The following DDX60L variants were observed in gnomAD, a reference collection of about 807,000 sequenced individuals.
The protein encoded by DDX60L is DExD/H-box 60 like, also known as probable ATP-dependent RNA helicase DDX60-like.
A neutral mutation model predicts 211.6 loss-of-function variants in DDX60L; 191 were observed. The observed-to-expected ratio is 0.90, with a 90% CI of 0.80 to 1.02. DDX60L has a LOEUF of 1.02. Ranked by LOEUF, DDX60L falls within the 50% of genes least tolerant of loss-of-function variation. DDX60L has a pLI of 0.00. For missense variants in DDX60L, 2,007 were observed against 1,984.1 expected, an observed-to-expected ratio of 1.01 and a Z score of -0.22; for synonymous variants, 706 against 694.1, an observed-to-expected ratio of 1.02 and a Z score of -0.27.
At chr4:168,457,775 T>G in intron 6 of DDX60L, 117 bp downstream of exon 6, 1 of 537,786 alleles carries the variant, frequency 1.9e-6, no homozygotes, top group Non-Finnish European at 3.3e-6. Context: ...AGTATACATG[T>G]ACTAAGGAGG....
At chr4:168,436,703 A>G (rs886457033) in intron 10 of DDX60L, among the ~76,000 whole-genome samples, 5 of 152,146 alleles carry the variant, frequency 3.3e-5, no homozygotes, top group African/African-American at 7.2e-5. Flanking sequence ...ACAAACTATT[A>G]CCCCTAAGTG....
intron 25 of DDX60L, among the ~76,000 whole-genome samples, chr4:168,401,727 G>A (rs72976818): frequency 0.013 from 1,910 of 152,134 alleles, 51 homozygotes; most frequent in African/African-American, 0.044. Flanking sequence ...GAATTTTTTC[G>A]AATACTACTT....
Position 168,453,198 on chromosome 4 carries a change from G to C in DDX60L, c.922C>G (p.Pro308Ala). The change falls in exon 8 of 38, where the codon CCC (proline) becomes GCC (alanine). Residue 308 changes from proline to alanine, a missense_variant. Coordinates refer to ENST00000682922, the MANE Select transcript of DDX60L (RefSeq NM_001012967.3). The stretch of plus-strand genomic sequence containing the variant: ...CGAGAACAAGCTCTCTGAGAAAGGG[G>C]TAAGTGGAGTTGAAAAGCCACACAG... Reference protein sequence around the residue: ...CLCVAFQLHLPLSQRACSRVI... With the variant: ...CLCVAFQLHLALSQRACSRVI... The C allele has an allele frequency of 6.2e-7, 1 of 1,613,424 alleles. No individual in the cohort carries two copies. The highest frequency in any genetic ancestry group is 1.1e-5 in the South Asian group (1 of 91,018).
intron 4 of DDX60L, among the ~76,000 whole-genome samples, chr4:168,463,699 T>C (rs1757617105): frequency 6.6e-6 from 1 of 152,178 alleles, no homozygotes; most frequent in Admixed American, 6.5e-5. Flanking sequence ...AACACTGCTT[T>C]CACTTTTAAT....
chr4:168,458,748 G>A (rs1280456318), intron 5 of DDX60L, among the ~76,000 whole-genome samples: 2 of 152,154 alleles, frequency 1.3e-5, no homozygotes, highest in African/African-American at 2.4e-5. Context: ...AACCACCATG[G>A]CACACATTTA....
chr4:168,412,354 C>A (rs116623446), intron 22 of DDX60L, among the ~76,000 whole-genome samples: 165 of 152,102 alleles, frequency 1.1e-3, no homozygotes, highest in African/African-American at 3.9e-3. Flanking sequence ...CAGAGAAAAG[C>A]CTGTTGGCCT....
chr4:168,431,983 T>C (rs1397833223), intron 12 of DDX60L, among the ~76,000 whole-genome samples: 2 of 152,154 alleles, frequency 1.3e-5, no homozygotes, highest in East Asian at 3.9e-4. Flanking sequence ...TTAGGAAGAC[T>C]ATGGCTGTAT....
intron 8 of DDX60L, among the ~76,000 whole-genome samples, chr4:168,451,961 T>C (rs1755865784): frequency 6.6e-6 from 1 of 152,220 alleles, no homozygotes; most frequent in Non-Finnish European, 1.5e-5. Context: ...AGGTCAACCT[T>C]TCCAGACTGG....
chr4:168,407,198 A>G (rs1403486413), intron 22 of DDX60L, among the ~76,000 whole-genome samples: 1 of 152,190 alleles, frequency 6.6e-6, no homozygotes, highest in Non-Finnish European at 1.5e-5. Flanking sequence ...GAGATCCAAT[A>G]CAAGAGCCGG....
At chr4:168,402,808 A>T (rs1747072012) in intron 25 of DDX60L, among the ~76,000 whole-genome samples, 1 of 152,196 alleles carries the variant, frequency 6.6e-6, no homozygotes, top group South Asian at 2.1e-4. Context: ...AGAGCTACAA[A>T]CCAGTGGACT....
intron 26 of DDX60L, among the ~76,000 whole-genome samples, chr4:168,399,399 G>T (rs977937553): frequency 6.6e-6 from 1 of 152,136 alleles, no homozygotes; most frequent in Non-Finnish European, 1.5e-5. Context: ...CTTGCAGTAC[G>T]CCTGGTCCAG....
At chr4:168,425,896 G>A (rs901599139) in intron 14 of DDX60L, among the ~76,000 whole-genome samples, 4 of 152,138 alleles carry the variant, frequency 2.6e-5, no homozygotes, top group Non-Finnish European at 4.4e-5. Flanking sequence ...ATATGAAGAC[G>A]TAATACCTGG....
At chr4:168,422,969 T>TTGTGTGTGTGTGTGTGTGTGTG (rs5863932) in intron 15 of DDX60L, among the ~76,000 whole-genome samples, 6 of 132,962 alleles carry the variant, frequency 4.5e-5, no homozygotes, top group African/African-American at 2.0e-4. Context: ...GTGGCTAATA[T>TTGTGTGTGTGTGTGTGTGTGTG]TGTGTGTGTG....
rs1413128781 is a variant in DDX60L at position 168,415,757 on chromosome 4, C to T, written c.2769G>A (p.Lys923=). The T allele has an allele frequency of 1.9e-6, 3 of 1,587,658 alleles. No homozygotes were observed. Among genetic ancestry groups the T allele is most frequent in the Non-Finnish European group, 2.6e-6 (3 of 1,165,620 alleles). ...SVKQYWKQAD[K]IMEEKCISEK... The stretch of plus-strand genomic sequence containing the variant: ...CAGAAATACATTTCTCTTCCATAAT[C>T]TTGTCTGCCTGTTTCCAGTACTGTT... The change falls in exon 21 of 38, where the codon AAG becomes AAA. Residue 923 remains lysine, a synonymous_variant. Coordinates refer to ENST00000682922, the MANE Select transcript of DDX60L (RefSeq NM_001012967.3).
chr4:168,391,511 CA>C, intron 29 of DDX60L, 28 bp downstream of exon 29: 5 of 1,388,438 alleles, frequency 3.6e-6, no homozygotes, highest in Non-Finnish European at 5.1e-6. Flanking sequence ...CAGCTTTCAG[CA>C]ATGGGAGTTA....
intron 24 of DDX60L, among the ~76,000 whole-genome samples, chr4:168,405,137 T>C (rs1043175313): frequency 3.3e-5 from 5 of 151,876 alleles, no homozygotes; most frequent in African/African-American, 9.7e-5. Context: ...ATCTCCAGAG[T>C]AGCTAGGATT....
chr4:168,362,014 G>A (rs143854378), intron 36 of DDX60L, among the ~76,000 whole-genome samples: 1,714 of 152,288 alleles, frequency 0.011, 11 homozygotes, highest in Non-Finnish European at 0.015. Context: ...ACCACCCACT[G>A]GGGAAAAGGC....
chr4:168,423,335 A>G (rs1750951864), intron 15 of DDX60L, among the ~76,000 whole-genome samples: 1 of 152,126 alleles, frequency 6.6e-6, no homozygotes, highest in Non-Finnish European at 1.5e-5. Context: ...CCTGTTACCA[A>G]GAGGGTTTAA....
At chr4:168,381,980 A>C (rs2149684878) in intron 30 of DDX60L, among the ~76,000 whole-genome samples, 1 of 152,252 alleles carries the variant, frequency 6.6e-6, no homozygotes, top group South Asian at 2.1e-4. Context: ...TTTACATAGA[A>C]CTGGGTGTCG....
Sources: gnomAD v4.1 joint callset for allele counts (sites outside exome capture counted in the v4.1 genomes callset) on GRCh38, gnomAD v4.1.1 for gene constraint, MANE v1.5 for transcripts, NCBI Gene and HGNC (gene_info 2026-07-23, HGNC 2026-07-21) for gene names.